The following GPHN variants were observed in gnomAD, a reference collection of about 807,000 sequenced individuals.
GPHN encodes the protein gephyrin.
A neutral mutation model predicts 95.5 loss-of-function variants in GPHN; 17 were observed. The ratio of observed to expected loss-of-function variants is 0.18; its 90% CI spans 0.12 to 0.27. GPHN has a LOEUF of 0.27. Among genes scored for constraint, GPHN ranks in the 10% least tolerant of loss-of-function variants. The pLI is 1.00. For synonymous variants in GPHN, 320 were observed against 322.5 expected (o/e 0.99, Z 0.08); for missense variants, 660 against 978.1 (o/e 0.67, Z 4.34).
the GPHN span, chr14:67,203,432 G>A: frequency 2.9e-6 from 2 of 678,182 alleles, no homozygotes; most frequent in Non-Finnish European, 4.7e-6. Flanking sequence ...ACAAAGAGGA[G>A]CATCCTTGAA....
chr14:66,664,839 C>G (rs1414616305), intron 1 of GPHN, among the ~76,000 whole-genome samples: 1 of 151,870 alleles, frequency 6.6e-6, no homozygotes, highest in Non-Finnish European at 1.5e-5. Flanking sequence ...ATTATAAACA[C>G]CTCTATCTGT....
At chr14:66,528,836 G>A (rs1026092202) in intron 1 of GPHN, among the ~76,000 whole-genome samples, 2 of 152,188 alleles carry the variant, frequency 1.3e-5, no homozygotes, top group African/African-American at 2.4e-5. Context: ...GAGATCTGCT[G>A]TTAGTCTGAT....
chr14:66,593,319 AC>A (rs1197106350), intron 1 of GPHN, among the ~76,000 whole-genome samples: 2 of 151,948 alleles, frequency 1.3e-5, no homozygotes, highest in Non-Finnish European at 2.9e-5. Flanking sequence ...AAAAAAACAA[AC>A]AACTGTCCGA....
chr14:67,040,543 A>G (rs2074646527), intron 10 of GPHN, among the ~76,000 whole-genome samples: 1 of 152,190 alleles, frequency 6.6e-6, no homozygotes, highest in African/African-American at 2.4e-5. Context: ...CTTTATAACA[A>G]AGGAGACAAC....
At chr14:67,579,308 C>T in the GPHN span, 1 of 1,522,476 alleles carries the variant, frequency 6.6e-7, no homozygotes, top group Non-Finnish European at 8.8e-7. Context: ...ACGGGACTTA[C>T]CATGTGAGGA....
At chr14:67,026,867 C>A (rs532404473) in intron 10 of GPHN, among the ~76,000 whole-genome samples, 1 of 152,292 alleles carries the variant, frequency 6.6e-6, no homozygotes, top group South Asian at 2.1e-4. Flanking sequence ...TGGTCTCGAT[C>A]TCCTGACCTC....
chr14:66,561,849 G>A (rs2060263565), intron 1 of GPHN, among the ~76,000 whole-genome samples: 1 of 151,980 alleles, frequency 6.6e-6, no homozygotes, highest in South Asian at 2.1e-4. Context: ...GTGTCAATAG[G>A]GCTGCATTTC....
the GPHN span, among the ~76,000 whole-genome samples, chr14:67,235,884 T>C: frequency 1.5e-3 from 227 of 152,326 alleles, no homozygotes; most frequent in African/African-American, 5.2e-3. Flanking sequence ...ATTAAGCTCA[T>C]GCTTCTTTTC....
At chr14:67,111,806 A>G (rs2078393397) in intron 14 of GPHN, 55 bp from the exon 15 acceptor site, 1 of 1,363,662 alleles carries the variant, frequency 7.3e-7, no homozygotes, top group Non-Finnish European at 1.1e-6. Context: ...CGGAGTAACT[A>G]AATTCTACTG....
At chr14:67,425,890 C>T in the GPHN span, among the ~76,000 whole-genome samples, 4 of 152,112 alleles carry the variant, frequency 2.6e-5, no homozygotes, top group Non-Finnish European at 5.9e-5. Context: ...CTGCCCCACA[C>T]CCCACATCTT....
chr14:67,159,746 A>G (rs2081852746), intron 19 of GPHN, among the ~76,000 whole-genome samples: 1 of 152,158 alleles, frequency 6.6e-6, no homozygotes, highest in Non-Finnish European at 1.5e-5. Flanking sequence ...TCTCATCCCT[A>G]GTTCCTTCTT....
At chr14:67,662,851 C>T in the GPHN span, among the ~76,000 whole-genome samples, 2 of 143,640 alleles carry the variant, frequency 1.4e-5, no homozygotes, top group African/African-American at 2.6e-5. Context: ...GGCAATGAGC[C>T]GAGATTGCGC....
At chr14:67,724,660 C>A in the GPHN span, 1 of 1,178,258 alleles carries the variant, frequency 8.5e-7, no homozygotes, top group Non-Finnish European at 1.3e-6. Flanking sequence ...GGCCTCTGTC[C>A]ATATTGCTTT....
At chr14:66,850,217 A>G (rs2153515153) in intron 4 of GPHN, among the ~76,000 whole-genome samples, 1 of 152,292 alleles carries the variant, frequency 6.6e-6, no homozygotes, top group East Asian at 1.9e-4. Flanking sequence ...ACACTTAGCT[A>G]CTATTAGCAG....
the GPHN span, among the ~76,000 whole-genome samples, chr14:67,510,526 A>G: frequency 6.6e-6 from 1 of 152,272 alleles, no homozygotes; most frequent in Non-Finnish European, 1.5e-5. Flanking sequence ...ATAGGTCAGT[A>G]TAAGAAGGTC....
At chr14:67,335,273 G>C in the GPHN span, 25 of 152,192 alleles carry the variant, frequency 1.6e-4, no homozygotes, top group African/African-American at 5.5e-4. Context: ...CTGAGTTGTT[G>C]CTGACCTCCA....
At chr14:67,135,022 C>G (rs1354719501) in intron 17 of GPHN, among the ~76,000 whole-genome samples, 5 of 124,584 alleles carry the variant, frequency 4.0e-5, no homozygotes, top group Non-Finnish European at 6.4e-5. Context: ...TGCAATGGCA[C>G]AATCTCAGCT....
At chr14:67,426,921 T>C in the GPHN span, among the ~76,000 whole-genome samples, 1 of 152,150 alleles carries the variant, frequency 6.6e-6, no homozygotes, top group Non-Finnish European at 1.5e-5. Context: ...CTAGGGCTTA[T>C]AGCTCAGGGG....
At chr14:67,232,899 G>T in the GPHN span, among the ~76,000 whole-genome samples, 1 of 152,066 alleles carries the variant, frequency 6.6e-6, no homozygotes, top group South Asian at 2.1e-4. Context: ...AGGCCTGAAA[G>T]CTTTTAGTCT....
Sources: allele counts gnomAD v4.1 joint callset (sites outside exome capture counted in the v4.1 genomes callset), GRCh38; gene constraint gnomAD v4.1.1; transcripts MANE v1.5; gene names NCBI Gene and HGNC (gene_info 2026-07-23, HGNC 2026-07-21).